The following TBX15 variants were observed in gnomAD, a reference collection of about 807,000 sequenced individuals.
TBX15 encodes T-box transcription factor 15.
A neutral mutation model predicts 53.9 loss-of-function variants in TBX15; 18 were observed. The observed-to-expected ratio is 0.33, with a 90% CI of 0.23 to 0.49. TBX15 has a LOEUF of 0.49. Ranked by LOEUF, TBX15 falls within the 20% of genes least tolerant of loss-of-function variation. The pLI is 0.98. For synonymous variants in TBX15, 295 were observed against 278.0 expected, an observed-to-expected ratio of 1.06 and a Z score of -0.61; for missense variants, 692 against 749.5, an observed-to-expected ratio of 0.92 and a Z score of 0.90.
At chr1:118,925,275 T>C (rs563239671) in intron 3 of TBX15, among the ~76,000 whole-genome samples, 2 of 152,346 alleles carry the variant, frequency 1.3e-5, no homozygotes, top group Admixed American at 1.3e-4. Context: ...ATTAAAAACA[T>C]CTTCCATATT....
intron 1 of TBX15, among the ~76,000 whole-genome samples, chr1:118,948,236 T>C (rs1282693884): frequency 6.6e-6 from 1 of 152,150 alleles, no homozygotes; most frequent in Non-Finnish European, 1.5e-5. Context: ...ACCCATTTTA[T>C]AATGGGGGCA....
intron 7 of TBX15, among the ~76,000 whole-genome samples, chr1:118,888,913 G>T: frequency 7.3e-6 from 1 of 136,710 alleles, no homozygotes; most frequent in East Asian, 2.0e-4. Context: ...ACTACAAAAA[G>T]AAAAAAAAAA....
intron 1 of TBX15, among the ~76,000 whole-genome samples, chr1:118,947,134 T>A (rs1391928422): frequency 2.0e-5 from 3 of 152,148 alleles, no homozygotes; most frequent in African/African-American, 7.2e-5. Context: ...GAGAGGCAGC[T>A]CCACAGGGAA....
intron 6 of TBX15, among the ~76,000 whole-genome samples, chr1:118,903,480 T>C (rs1424402345): frequency 6.6e-6 from 1 of 152,184 alleles, no homozygotes; most frequent in East Asian, 1.9e-4. Flanking sequence ...ATTTCTGCTT[T>C]TCTTTTGTCT....
chr1:118,886,335 C>A (rs1457569733), intron 7 of TBX15, among the ~76,000 whole-genome samples: 3 of 152,096 alleles, frequency 2.0e-5, no homozygotes, highest in Non-Finnish European at 4.4e-5. Context: ...CTTAAAGTGA[C>A]CTGAGAGTCA....
chr1:118,955,228 A>G (rs1025101313), intron 1 of TBX15, among the ~76,000 whole-genome samples: 1 of 147,762 alleles, frequency 6.8e-6, no homozygotes, highest in African/African-American at 2.5e-5. Context: ...TCTGCCCTTT[A>G]AATATGAACA....
At chr1:118,959,024 CAG>C (rs10563585) in intron 1 of TBX15, among the ~76,000 whole-genome samples, 10,774 of 144,364 alleles carry the variant, frequency 0.075, 628 homozygotes, top group East Asian at 0.2. Flanking sequence ...GGTATAATAT[CAG>C]AGAGAGAGAG....
At chr1:118,965,846 C>A (rs1227280492) in intron 1 of TBX15, among the ~76,000 whole-genome samples, 1 of 152,152 alleles carries the variant, frequency 6.6e-6, no homozygotes, top group Non-Finnish European at 1.5e-5. Flanking sequence ...ATGCCACAAT[C>A]TCTCTTTTCA....
chr1:118,891,791 TTGA>T (rs1358196707), intron 7 of TBX15, among the ~76,000 whole-genome samples: 1 of 152,062 alleles, frequency 6.6e-6, no homozygotes, highest in Non-Finnish European at 1.5e-5. Flanking sequence ...AGAAATGGAG[TTGA>T]TGATCTTTTA....
intron 1 of TBX15, among the ~76,000 whole-genome samples, chr1:118,942,805 T>C (rs1656230560): frequency 6.6e-6 from 1 of 152,140 alleles, no homozygotes; most frequent in Non-Finnish European, 1.5e-5. Flanking sequence ...CTTACAGTCA[T>C]GAGGATAAAA....
At chr1:118,893,314 GAAA>G (rs1654228954) in intron 7 of TBX15, among the ~76,000 whole-genome samples, 1 of 120,726 alleles carries the variant, frequency 8.3e-6, no homozygotes. Flanking sequence ...AGGAAGGAAG[GAAA>G]GAAAGAAAGA....
intron 5 of TBX15, among the ~76,000 whole-genome samples, chr1:118,914,782 G>A (rs1655144308): frequency 6.6e-6 from 1 of 152,088 alleles, no homozygotes; most frequent in Admixed American, 6.6e-5. Context: ...CTTTTGCCAG[G>A]GTCTTACCCA....
At chr1:118,916,018 A>G (rs1655208066) in intron 5 of TBX15, among the ~76,000 whole-genome samples, 1 of 152,244 alleles carries the variant, frequency 6.6e-6, no homozygotes, top group Non-Finnish European at 1.5e-5. Flanking sequence ...TGTGAGAATT[A>G]GGGAGCTTTA....
rs1432560935 is a variant in TBX15, at chr1:118,883,582, T to C, written c.*1150A>G. ...AGGCCTCTATTTGTTGCCTCTGCTCTTGGTATCATCTTCCGAGATTATAAA... is the reference window on the plus strand; with the variant it reads ...AGGCCTCTATTTGTTGCCTCTGCTCCTGGTATCATCTTCCGAGATTATAAA... On this transcript the variant is annotated 3_prime_UTR_variant, in exon 8 of 8. Transcript: ENST00000369429. 2 of 152,284 alleles carry C rather than the reference T, an allele frequency of 1.3e-5. No individual in the cohort carries two copies. The allele number at this position is 152,284 out of a possible 1,614,324, so 9.4% of individuals were successfully genotyped here. A position where few individuals can be genotyped will look rare whatever the true frequency, so the allele number is the denominator to read the frequency against.
intron 7 of TBX15, among the ~76,000 whole-genome samples, chr1:118,891,286 C>G (rs1197094285): frequency 1.3e-5 from 2 of 150,758 alleles, no homozygotes; most frequent in Admixed American, 1.3e-4. Context: ...ACTCTGTGCT[C>G]TGAGTGTCTC....
intron 1 of TBX15, among the ~76,000 whole-genome samples, chr1:118,949,549 T>C (rs1656447484): frequency 6.6e-6 from 1 of 152,224 alleles, no homozygotes; most frequent in Admixed American, 6.5e-5. Flanking sequence ...TCAAGTTTGT[T>C]TCCTTCTCCA....
chr1:118,956,958 A>C (rs1321578374), intron 1 of TBX15, among the ~76,000 whole-genome samples: 2 of 67,954 alleles, frequency 2.9e-5, no homozygotes, highest in Non-Finnish European at 7.1e-5. Flanking sequence ...GCGAGACTCC[A>C]TCTCAAAAAA....
chr1:118,908,920 T>TCACA (rs113048062), intron 6 of TBX15, among the ~76,000 whole-genome samples: 4,698 of 149,276 alleles, frequency 0.031, 104 homozygotes, highest in Non-Finnish European at 0.044. Context: ...CACTCAACAT[T>TCACA]CACACACACA....
At chr1:118,900,115 TA>T (rs994393515) in intron 6 of TBX15, among the ~76,000 whole-genome samples, 42 of 149,184 alleles carry the variant, frequency 2.8e-4, no homozygotes, top group Admixed American at 1.7e-3. Flanking sequence ...GATCTTTCTT[TA>T]AAAAAAAAAC....
Sources: gnomAD v4.1 joint callset for allele counts (sites outside exome capture counted in the v4.1 genomes callset) on GRCh38, gnomAD v4.1.1 for gene constraint, MANE v1.5 for transcripts, NCBI Gene and HGNC (gene_info 2026-07-23, HGNC 2026-07-21) for gene names.